The following CNBD2 variants were observed in gnomAD, a reference collection of about 807,000 sequenced individuals.
CNBD2 encodes cyclic nucleotide-binding domain-containing protein 2.
In CNBD2, 64 loss-of-function variants were observed where a neutral mutation model predicts 63.7. The ratio of observed to expected loss-of-function variants is 1.00; its 90% confidence interval spans 0.82 to 1.24. CNBD2 has a LOEUF of 1.24. Among genes scored for constraint, CNBD2 ranks in the 50% most tolerant of loss-of-function variants. The pLI is 0.00. For synonymous variants in CNBD2, 229 were observed against 255.4 expected, an observed-to-expected ratio of 0.90 and a Z score of 0.99; for missense variants, 691 against 713.5, an observed-to-expected ratio of 0.97 and a Z score of 0.36.
At chr20:36,018,442 G>A (rs893235351) in intron 10 of CNBD2, among the ~76,000 whole-genome samples, 6 of 152,200 alleles carry the variant, frequency 3.9e-5, no homozygotes, top group Non-Finnish European at 7.3e-5. Context: ...ACAAATATTT[G>A]TTAACATGAC....
At chr20:36,007,524 T>A (rs904400919) in intron 8 of CNBD2, among the ~76,000 whole-genome samples, 1 of 152,194 alleles carries the variant, frequency 6.6e-6, no homozygotes, top group African/African-American at 2.4e-5. Flanking sequence ...TCACATACTT[T>A]ATCTGCAATT....
rs779254104 is a variant in CNBD2 at position 36,011,222 on chromosome 20, G to A, written c.1234G>A (p.Val412Met). 18 of 1,593,592 alleles carry A rather than the reference G, an allele frequency of 1.1e-5. No individual in the cohort carries two copies. The South Asian group carries it at 1.1e-4, about 10-fold the overall frequency. ...CAAGGAGGCTGCAGTGGGGGCCTAC[G>A]TGAAGGTGCACACTGTGGAGCAGGG... ...LPKEAAVGAY[V>M]KVHTVEQGEI... The change falls in exon 10 of 12, where the codon GTG (valine) becomes ATG (methionine). Residue 412 changes from valine (V) to methionine (M), a missense_variant. Transcript: ENST00000373973.
chr20:36,005,300 G>C (rs1326121977), intron 8 of CNBD2, among the ~76,000 whole-genome samples: 1 of 152,172 alleles, frequency 6.6e-6, no homozygotes, highest in Non-Finnish European at 1.5e-5. Flanking sequence ...ATTAGATGGA[G>C]CACACAACCT....
chr20:35,986,055 C>T (rs1338344979), intron 6 of CNBD2, among the ~76,000 whole-genome samples: 1 of 152,192 alleles, frequency 6.6e-6, no homozygotes, highest in Non-Finnish European at 1.5e-5. Flanking sequence ...TCATACATAG[C>T]AAAAGATTTT....
At chr20:36,022,946 T>C (rs563544813) in intron 10 of CNBD2, among the ~76,000 whole-genome samples, 2 of 152,128 alleles carry the variant, frequency 1.3e-5, no homozygotes, top group East Asian at 3.9e-4. Flanking sequence ...TTGTTGTAAG[T>C]CCTAAGGAAG....
intron 8 of CNBD2, among the ~76,000 whole-genome samples, chr20:36,006,637 G>A (rs1046409133): frequency 2.0e-5 from 3 of 152,112 alleles, no homozygotes; most frequent in African/African-American, 2.4e-5. Flanking sequence ...GACTGGTCTC[G>A]AACTCCTGAG....
At chr20:35,976,090 G>T in intron 3 of CNBD2, 88 bp downstream of exon 3, 1 of 1,240,648 alleles carries the variant, frequency 8.1e-7, no homozygotes, top group Non-Finnish European at 1.2e-6. Context: ...AGCAGAGCTG[G>T]TTTCAGTCTA....
At position 36,030,385 on chromosome 20, in the gene CNBD2, C is replaced by G; in HGVS notation, c.1468C>G (p.Gln490Glu). ...TGAAGATATGTGCCAGAAGTTCCTC[C>G]AGCAGAACAGCTGGAATATCTTTCG... ...SDEDMCQKFL[Q>E]QNSWNIFRKD... Residue 490 changes from glutamine to glutamate, a missense_variant, in exon 12 of 12, where the codon CAG becomes GAG. By Grantham distance (29) the Gln-to-Glu change is conservative. Transcript: ENST00000373973. 1 of 1,614,144 alleles carries G rather than the reference C, an allele frequency of 6.2e-7. No homozygotes were observed. Among genetic ancestry groups the G allele is most frequent in the South Asian group, 1.1e-5 (1 of 91,082 alleles).
At chr20:36,011,676 C>G (rs1354877719) in intron 10 of CNBD2, among the ~76,000 whole-genome samples, 2 of 152,154 alleles carry the variant, frequency 1.3e-5, no homozygotes, top group Non-Finnish European at 2.9e-5. Flanking sequence ...AAAAGGTATA[C>G]AGATTGGGAA....
At chr20:35,981,017 C>T (rs923096163) in intron 4 of CNBD2, among the ~76,000 whole-genome samples, 2 of 152,166 alleles carry the variant, frequency 1.3e-5, no homozygotes, top group African/African-American at 4.8e-5. Context: ...CTTTCTGAAA[C>T]AGCTTGGCTT....
At position 35,972,707 on chromosome 20, in the gene CNBD2, C is replaced by T. The variant is rs150690141; in HGVS notation, c.130C>T (p.Arg44Trp). 1.4e-4 allele frequency: 226 copies of T among 1,613,990 alleles called. 2 individuals are homozygous for T. The Middle Eastern group carries it at 2.0e-3, about 14-fold the overall frequency. The stretch of plus-strand genomic sequence containing the variant: ...GTTCCGCCAAGGCCTCAGGGGATTC[C>T]GGGAATATCAAATCATTGAGACTGC... The part of the protein sequence containing the change: ...KMFRQGLRGF[R>W]EYQIIETAHW... The change falls in exon 2 of 12, where the codon CGG becomes TGG. Residue 44 changes from arginine (R) to tryptophan (W), a missense_variant. Coordinates refer to ENST00000373973, the MANE Select transcript of CNBD2 (RefSeq NM_001365709.1).
At chr20:35,979,450 G>A (rs1458293386) in intron 3 of CNBD2, among the ~76,000 whole-genome samples, 1 of 152,190 alleles carries the variant, frequency 6.6e-6, no homozygotes, top group Non-Finnish European at 1.5e-5. Context: ...TAGAAACAAG[G>A]TCTTGCTATG....
In CNBD2 at chr20:36,009,487, C is replaced by T. The variant is rs186814032; in HGVS notation, c.1148+1013C>T. Among the ~76,000 whole-genome samples, 876 of 151,792 alleles carry T rather than the reference C, an allele frequency of 5.8e-3. 8 individuals carry two copies. Among genetic ancestry groups the T allele is most frequent in the Middle Eastern group, 0.048 (14 of 294 alleles). The stretch of plus-strand genomic sequence containing the variant: ...AAAGTGCTGGGATTACAGGCATGAG[C>T]CACCACGCCCAACCGACCCTATCTC... On this transcript the variant is annotated intron_variant, in intron 9 of 11. Transcript: ENST00000373973.
At chr20:35,956,442 T>G (rs1221941801), downstream of CNBD2, among the ~76,000 whole-genome samples, 2 of 152,232 alleles carry the variant, frequency 1.3e-5, no homozygotes, top group Non-Finnish European at 2.9e-5. Flanking sequence ...GACGACTTCC[T>G]TTAGACAAGA....
intron 3 of CNBD2, among the ~76,000 whole-genome samples, chr20:35,979,983 C>T (rs1208284277): frequency 6.6e-6 from 1 of 152,178 alleles, no homozygotes; most frequent in Non-Finnish European, 1.5e-5. Context: ...GCCTGGTTCA[C>T]TGGAGAAGAA....
At chr20:35,974,652 G>C (rs986111348) in intron 2 of CNBD2, 1 of 152,438 alleles carries the variant, frequency 6.6e-6, no homozygotes, top group African/African-American at 2.4e-5. Flanking sequence ...TCCTTCAGTA[G>C]TCTCCCTGAG....
At chr20:36,015,860 T>C (rs1018043829) in intron 10 of CNBD2, among the ~76,000 whole-genome samples, 3 of 152,240 alleles carry the variant, frequency 2.0e-5, no homozygotes, top group African/African-American at 7.2e-5. Context: ...AGATACTCTG[T>C]CTTAAAGGAG....
chr20:36,012,477 C>CAAAAA (rs11471733), intron 10 of CNBD2, among the ~76,000 whole-genome samples: 1 of 139,988 alleles, frequency 7.1e-6, no homozygotes, highest in Non-Finnish European at 1.6e-5. Flanking sequence ...AACTCCATCT[C>CAAAAA]AAAAAAAAAA....
chr20:35,967,094 C>G (rs141932436), upstream of CNBD2, among the ~76,000 whole-genome samples: 1 of 152,086 alleles, frequency 6.6e-6, no homozygotes, highest in African/African-American at 2.4e-5. Context: ...GAGAGTATCT[C>G]GAGACAAGGC....
Sources: allele counts gnomAD v4.1 joint callset (sites outside exome capture counted in the v4.1 genomes callset), GRCh38; gene constraint gnomAD v4.1.1; transcripts MANE v1.5; gene names NCBI Gene and HGNC (gene_info 2026-07-23, HGNC 2026-07-21).